The following SAMSN1 variants were observed in gnomAD, a reference collection of about 807,000 sequenced individuals.
SAMSN1 encodes SAM domain-containing protein SAMSN-1.
In SAMSN1, 31 loss-of-function variants were observed where a neutral mutation model predicts 42.0. The observed-to-expected ratio is 0.74, with a 90% CI of 0.55 to 1.00. The LOEUF (loss-of-function observed/expected upper bound fraction) is 1.00, where lower values mean the gene tolerates loss of function less well. Ranked by LOEUF, SAMSN1 falls within the 50% of genes least tolerant of loss-of-function variation. SAMSN1 has a pLI of 0.00. For missense variants in SAMSN1, 464 were observed against 439.4 expected (o/e 1.06, Z -0.50); for synonymous variants, 178 against 151.9 (o/e 1.17, Z -1.26).
chr21:14,538,021 T>A (rs774918836), intron 1 of SAMSN1, among the ~76,000 whole-genome samples: 5 of 152,234 alleles, frequency 3.3e-5, no homozygotes, highest in Admixed American at 6.5e-5. Context: ...CTTATTTGGT[T>A]TTATGTTTGC....
At chr21:14,659,402 C>G (rs1226536095), upstream of SAMSN1, among the ~76,000 whole-genome samples, 5 of 151,982 alleles carry the variant, frequency 3.3e-5, no homozygotes, top group Non-Finnish European at 7.4e-5. Context: ...ACCATTTCAT[C>G]TTTCCTAACT....
At chr21:14,499,677 C>T (rs1987062219) in intron 6 of SAMSN1, among the ~76,000 whole-genome samples, 1 of 152,028 alleles carries the variant, frequency 6.6e-6, no homozygotes, top group Non-Finnish European at 1.5e-5. Context: ...ACAGGTCACA[C>T]AATGAACAAG....
intron 7 of SAMSN1, among the ~76,000 whole-genome samples, chr21:14,488,608 T>TA (rs2123637136): frequency 6.6e-6 from 1 of 152,302 alleles, no homozygotes; most frequent in African/African-American, 2.4e-5. Flanking sequence ...AACAAAAATG[T>TA]ATTTGTTTTT....
Position 14,485,654 on chromosome 21 carries a change from A to C in SAMSN1, c.*258T>G, listed in dbSNP as rs1469428909. Reference sequence around the variant, plus strand: ...ATAAAGCATATGTCACACATACCAAAGTCTTACATTTTGCCTTTCTAATAC... The same window carrying C: ...ATAAAGCATATGTCACACATACCAACGTCTTACATTTTGCCTTTCTAATAC... On this transcript the variant is annotated 3_prime_UTR_variant, in exon 8 of 8. Coordinates refer to ENST00000400566, the MANE Select transcript of SAMSN1 (RefSeq NM_022136.5). The C allele has an allele frequency of 3.2e-6, 1 of 311,000 alleles. No individual in the cohort carries two copies. Among genetic ancestry groups the C allele is most frequent in the African/African-American group, 2.2e-5 (1 of 46,316 alleles). The allele number at this position is 311,000 out of a possible 1,614,324, so 19.3% of individuals were successfully genotyped here. A position where few individuals can be genotyped will look rare whatever the true frequency, so the allele number is the denominator to read the frequency against.
exon 2 of SAMSN1, chr21:14,582,261 T>C (rs1181170926): frequency 6.4e-7 from 1 of 1,550,904 alleles, no homozygotes; most frequent in Non-Finnish European, 8.7e-7. Flanking sequence ...CAGAGAGGGT[T>C]TTCAGGAAAA....
chr21:14,590,504 A>G (rs1235380916), intron 7 of SAMSN1, among the ~76,000 whole-genome samples: 1 of 152,014 alleles, frequency 6.6e-6, no homozygotes, highest in Admixed American at 6.6e-5. Flanking sequence ...GCTTGTCTTG[A>G]ACTCCTGGCT....
chr21:14,627,338 C>T (rs1316840743), intron 2 of SAMSN1, among the ~76,000 whole-genome samples: 1 of 151,976 alleles, frequency 6.6e-6, no homozygotes, highest in Non-Finnish European at 1.5e-5. Context: ...ATGTTAGGTG[C>T]ATAAATGCAT....
In SAMSN1 at chr21:14,643,876, C is replaced by G. The variant is rs142717690; in HGVS notation, c.25-743G>C. Reference sequence around the variant, plus strand: ...TCTGGGATCTGGGGAAGGGAGAACACAGCCATCGTGCGGCATTGAACTTAG... The same window carrying G: ...TCTGGGATCTGGGGAAGGGAGAACAGAGCCATCGTGCGGCATTGAACTTAG... On this transcript the variant is annotated intron_variant, in intron 1 of 15. Transcript: ENST00000647101. Among the ~76,000 whole-genome samples, 917 of 152,308 alleles carry G rather than the reference C, an allele frequency of 6.0e-3. 6 individuals are homozygous for G. Among genetic ancestry groups the G allele is most frequent in the Non-Finnish European group, 9.2e-3 (626 of 68,030 alleles).
chr21:14,650,089 T>C (rs1349717461), intron 1 of SAMSN1, among the ~76,000 whole-genome samples: 1 of 152,056 alleles, frequency 6.6e-6, no homozygotes, highest in Non-Finnish European at 1.5e-5. Context: ...AATACAATAA[T>C]AGCTAGAGAC....
chr21:14,593,018 A>G (rs1215612174), intron 7 of SAMSN1, among the ~76,000 whole-genome samples: 2 of 152,096 alleles, frequency 1.3e-5, no homozygotes, highest in East Asian at 3.9e-4. Flanking sequence ...TCTTTTAGGG[A>G]ACAGAAGTAA....
chr21:14,588,556 T>C (rs1160671436), intron 7 of SAMSN1, among the ~76,000 whole-genome samples: 1 of 152,006 alleles, frequency 6.6e-6, no homozygotes, highest in Non-Finnish European at 1.5e-5. Flanking sequence ...TTTTGAGAAG[T>C]ATCTGTTCAT....
At chr21:14,566,542 A>AT (rs59512413) in intron 2 of SAMSN1, among the ~76,000 whole-genome samples, 197 of 151,400 alleles carry the variant, frequency 1.3e-3, no homozygotes, top group African/African-American at 4.4e-3. Context: ...ATATATATAT[A>AT]AAATTTTTTT....
At chr21:14,558,104 C>T (rs1365649676) in intron 2 of SAMSN1, among the ~76,000 whole-genome samples, 2 of 152,114 alleles carry the variant, frequency 1.3e-5, no homozygotes, top group Admixed American at 6.5e-5. Context: ...ATTTTGGTTA[C>T]TGGAAGGCAG....
chr21:14,655,664 G>A (rs962164164), intron 1 of SAMSN1, among the ~76,000 whole-genome samples: 1 of 151,500 alleles, frequency 6.6e-6, no homozygotes, highest in African/African-American at 2.4e-5. Flanking sequence ...CCTGAGTAGA[G>A]TTATTTAAAA....
At chr21:14,589,854 C>T (rs1214663814) in intron 7 of SAMSN1, among the ~76,000 whole-genome samples, 1 of 152,146 alleles carries the variant, frequency 6.6e-6, no homozygotes, top group Non-Finnish European at 1.5e-5. Context: ...TCTCTAGTGT[C>T]ATATTTAACA....
At chr21:14,509,813 T>A (rs960492181) in intron 5 of SAMSN1, among the ~76,000 whole-genome samples, 1 of 152,180 alleles carries the variant, frequency 6.6e-6, no homozygotes, top group Non-Finnish European at 1.5e-5. Flanking sequence ...AACAGACTGA[T>A]ACCCCGACTC....
At chr21:14,635,868 G>A (rs1983455229) in intron 2 of SAMSN1, among the ~76,000 whole-genome samples, 1 of 151,856 alleles carries the variant, frequency 6.6e-6, no homozygotes, top group Non-Finnish European at 1.5e-5. Context: ...GGGTACATGT[G>A]CACAACGTTG....
At chr21:14,553,966 G>A (rs1296518687) in intron 2 of SAMSN1, among the ~76,000 whole-genome samples, 2 of 151,998 alleles carry the variant, frequency 1.3e-5, no homozygotes, top group African/African-American at 2.4e-5. Flanking sequence ...TCTCCATCTG[G>A]AAACGGATTA....
chr21:14,643,799 C>T (rs948906509), intron 1 of SAMSN1, among the ~76,000 whole-genome samples: 8 of 152,248 alleles, frequency 5.3e-5, no homozygotes, highest in East Asian at 1.9e-4. Context: ...CCCGAATCTC[C>T]GACGCCACTC....
Sources: gnomAD v4.1 joint callset for allele counts (sites outside exome capture counted in the v4.1 genomes callset) on GRCh38, gnomAD v4.1.1 for gene constraint, MANE v1.5 for transcripts, NCBI Gene and HGNC (gene_info 2026-07-23, HGNC 2026-07-21) for gene names.